DAAM1: variants seen among roughly 807,000 people sequenced by gnomAD.
The protein encoded by DAAM1 is dishevelled associated activator of morphogenesis 1.
A neutral mutation model predicts 130.0 loss-of-function variants in DAAM1; 52 were observed. The ratio of observed to expected loss-of-function variants is 0.40; its 90% CI spans 0.32 to 0.50. DAAM1 has a LOEUF of 0.50. Ranked by LOEUF, DAAM1 falls within the 20% of genes least tolerant of loss-of-function variation. DAAM1 has a pLI of 0.61. For missense variants in DAAM1, 1,134 were observed against 1,303.8 expected, an observed-to-expected ratio of 0.87 and a Z score of 2.01; for synonymous variants, 452 against 444.5, an observed-to-expected ratio of 1.02 and a Z score of -0.21.
intron 16 of DAAM1, among the ~76,000 whole-genome samples, chr14:59,340,491 T>TA (rs2139649847): frequency 6.6e-6 from 1 of 152,336 alleles, no homozygotes; most frequent in South Asian, 2.1e-4. Context: ...TTCTTGGCCT[T>TA]AGAGATATTT....
intron 2 of DAAM1, among the ~76,000 whole-genome samples, chr14:59,289,148 C>T (rs1883604214): frequency 6.6e-6 from 1 of 152,112 alleles, no homozygotes; most frequent in Non-Finnish European, 1.5e-5. Flanking sequence ...ATCTCCTGAC[C>T]TCGTGATCTG....
Position 59,205,921 on chromosome 14 carries a change from T to A in DAAM1, c.-38+17153T>A, listed in dbSNP as rs1265512581. Among the ~76,000 whole-genome samples the A allele has an allele frequency of 2.0e-5, 3 of 152,204 alleles. No homozygotes were observed. In the East Asian group the frequency reaches 5.8e-4, roughly 29 times the overall value. Reference sequence around the variant, plus strand: ...GTTTTTTTGTTTTTGTTTTTGTTTCTGTTTTTTTGAGACAGGGTCCAGGGT... The same window carrying A: ...GTTTTTTTGTTTTTGTTTTTGTTTCAGTTTTTTTGAGACAGGGTCCAGGGT... On this transcript the variant is annotated intron_variant, in intron 1 of 24. Coordinates refer to ENST00000360909, the MANE Select transcript of DAAM1 (RefSeq NM_001270520.2).
intron 1 of DAAM1, among the ~76,000 whole-genome samples, chr14:59,230,360 G>A (rs1016244350): frequency 2.6e-5 from 4 of 151,260 alleles, no homozygotes; most frequent in African/African-American, 9.7e-5. Flanking sequence ...AGGCATTGGT[G>A]TGCCACGGGG....
At chr14:59,211,777 G>T (rs1888432281) in intron 1 of DAAM1, among the ~76,000 whole-genome samples, 1 of 151,968 alleles carries the variant, frequency 6.6e-6, no homozygotes, top group Non-Finnish European at 1.5e-5. Flanking sequence ...TCTTGAATTT[G>T]CACTGAAAAA....
In DAAM1 at chr14:59,331,440, C is replaced by T. The variant is rs1566708182; in HGVS notation, c.1792C>T (p.Leu598=). 2 of 1,613,836 alleles carry T rather than the reference C, an allele frequency of 1.2e-6. No homozygotes were observed. Among genetic ancestry groups the T allele is most frequent in the Admixed American group, 3.3e-5 (2 of 59,990 alleles). Reference sequence around the variant, plus strand: ...TCCTGGTGCTCCAATGGGCCTAGCACTGAAGAAGAAAAGCATTCCTCAGCC... The same window carrying T: ...TCCTGGTGCTCCAATGGGCCTAGCATTGAAGAAGAAAAGCATTCCTCAGCC... The part of the protein sequence containing the change: ...PPPGAPMGLA[L]KKKSIPQPTN... The change falls in exon 14 of 25, where the codon CTG becomes TTG. Residue 598 remains leucine, a synonymous_variant. Transcript: ENST00000360909.
chr14:59,335,541 C>A (rs982275595), intron 15 of DAAM1, among the ~76,000 whole-genome samples: 22 of 152,176 alleles, frequency 1.4e-4, no homozygotes, highest in Non-Finnish European at 2.6e-4. Flanking sequence ...AAATTCATTT[C>A]TCTCTATCCA....
At chr14:59,308,372 T>A (rs571747456) in intron 3 of DAAM1, among the ~76,000 whole-genome samples, 1 of 152,210 alleles carries the variant, frequency 6.6e-6, no homozygotes, top group Non-Finnish European at 1.5e-5. Context: ...TATAATCACT[T>A]TATTCAAATT....
At chr14:59,353,489 G>T (rs1360098024) in intron 18 of DAAM1, among the ~76,000 whole-genome samples, 1 of 152,208 alleles carries the variant, frequency 6.6e-6, no homozygotes, top group Non-Finnish European at 1.5e-5. Flanking sequence ...TCCTTTATTT[G>T]CAGTAGGGTA....
chr14:59,331,579 A>C, intron 14 of DAAM1, 71 bp downstream of exon 14: 1 of 1,516,592 alleles, frequency 6.6e-7, no homozygotes, highest in Non-Finnish European at 8.8e-7. Context: ...ACTGAAAGGG[A>C]AAACAGCCCT....
intron 1 of DAAM1, among the ~76,000 whole-genome samples, chr14:59,191,111 G>C (rs538346215): frequency 1.3e-5 from 2 of 152,292 alleles, no homozygotes; most frequent in East Asian, 3.9e-4. Flanking sequence ...CATTATCACA[G>C]ATGTTGCAAT....
chr14:59,331,255 C>T lies in DAAM1; in HGVS notation c.1607C>T (p.Pro536Leu). The part of the protein sequence containing the change: ...SIPGGPSPGA[P>L]GGPFPSSVPG... The stretch of plus-strand genomic sequence containing the variant: ...CCAGGTGGACCCTCGCCTGGAGCAC[C>T]AGGAGGGCCCTTTCCTTCCTCTGTG... The change falls in exon 14 of 25, where the codon CCA (proline) becomes CTA (leucine). Residue 536 changes from proline (P) to leucine (L), a missense_variant. By Grantham distance (98) the Pro-to-Leu change is moderately conservative (BLOSUM62 -3). This residue lies in a region of DAAM1 where 644 missense variants were observed against 695.9 expected (regional missense o/e 0.93). Coordinates refer to ENST00000360909, the MANE Select transcript of DAAM1 (RefSeq NM_001270520.2). The T allele has an allele frequency of 6.2e-7, 1 of 1,612,978 alleles. No individual in the cohort carries two copies. The highest frequency in any genetic ancestry group is 1.1e-5 in the South Asian group (1 of 91,024).
intron 12 of DAAM1, 34 bp from the exon 13 acceptor site, chr14:59,330,467 T>C: frequency 6.5e-7 from 1 of 1,537,416 alleles, no homozygotes; most frequent in Admixed American, 2.1e-5. Context: ...TTGAAGACTC[T>C]CCTGTTTTCA....
rs993693859 is a variant in DAAM1, at chr14:59,369,525, A to ACAT, written c.*669_*671dup. 1 of 152,498 alleles carries ACAT rather than the reference A, an allele frequency of 6.6e-6. No individual in the cohort carries two copies. The highest frequency in any genetic ancestry group is 2.4e-5 in the African/African-American group (1 of 41,428). 9.4% of individuals were successfully genotyped at this position (152,498 alleles called of 1,614,324 possible). On this transcript the variant is annotated 3_prime_UTR_variant, in exon 25 of 25. Coordinates refer to ENST00000360909, the MANE Select transcript of DAAM1 (RefSeq NM_001270520.2). Reference sequence around the variant, plus strand: ...AAGTTTTTGTATATTTAAAAGTTGGACATCAATTTTTTCCCCTGATTTCAT... The same window carrying ACAT: ...AAGTTTTTGTATATTTAAAAGTTGGACATCATCAATTTTTTCCCCTGATTTCAT...
At chr14:59,252,447 T>C (rs1296264935) in intron 1 of DAAM1, among the ~76,000 whole-genome samples, 1 of 152,224 alleles carries the variant, frequency 6.6e-6, no homozygotes, top group East Asian at 1.9e-4. Flanking sequence ...TTCTTCAAAA[T>C]ATACAGGAAA....
chr14:59,297,394 T>C (rs1423704224), intron 3 of DAAM1, among the ~76,000 whole-genome samples: 1 of 152,306 alleles, frequency 6.6e-6, no homozygotes, highest in South Asian at 2.1e-4. Context: ...TGCGAGAATG[T>C]TTTTGGCAAT....
chr14:59,353,637 C>T (rs1251811474), intron 18 of DAAM1, among the ~76,000 whole-genome samples: 1 of 152,176 alleles, frequency 6.6e-6, no homozygotes, highest in Non-Finnish European at 1.5e-5. Context: ...TTGATGGGCG[C>T]TAAGGACTCT....
intron 3 of DAAM1, 38 bp from the exon 4 acceptor site, chr14:59,315,242 T>C: frequency 6.3e-7 from 1 of 1,589,852 alleles, no homozygotes; most frequent in Non-Finnish European, 8.6e-7. Context: ...TGTGTGTATA[T>C]GTTGGGTGGT....
At chr14:59,350,993 TA>T (rs1223849399) in intron 17 of DAAM1, among the ~76,000 whole-genome samples, 3 of 152,160 alleles carry the variant, frequency 2.0e-5, no homozygotes, top group Non-Finnish European at 4.4e-5. Context: ...AGCTGCCTAC[TA>T]GAAATCATTA....
At chr14:59,297,246 A>T (rs1883989619) in intron 3 of DAAM1, among the ~76,000 whole-genome samples, 1 of 152,196 alleles carries the variant, frequency 6.6e-6, no homozygotes, top group South Asian at 2.1e-4. Flanking sequence ...TTATTCATGG[A>T]TGCCCTTGTT....
Sources: gnomAD v4.1 joint callset for allele counts (sites outside exome capture counted in the v4.1 genomes callset) on GRCh38, gnomAD v4.1.1 for gene constraint, gnomAD v4.1.1 regional missense constraint, MANE v1.5 for transcripts, NCBI Gene and HGNC (gene_info 2026-07-23, HGNC 2026-07-21) for gene names.